The following RUNX1 variants were observed in gnomAD, a reference collection of about 807,000 sequenced individuals.
The protein encoded by RUNX1 is RUNX family transcription factor 1, also known as runt-related transcription factor 1.
Under a neutral mutation model 42.8 loss-of-function variants are expected in RUNX1, and 19 were observed. That is an observed-to-expected ratio of 0.44 (90% confidence interval 0.31 to 0.65). The LOEUF (loss-of-function observed/expected upper bound fraction) is 0.65, where lower values mean the gene tolerates loss of function less well. Ranked by LOEUF, RUNX1 falls within the 30% of genes least tolerant of loss-of-function variation. The pLI is 0.07. For synonymous variants in RUNX1, 271 were observed against 289.4 expected, an observed-to-expected ratio of 0.94 and a Z score of 0.64; for missense variants, 528 against 672.0, an observed-to-expected ratio of 0.79 and a Z score of 2.37.
chr21:34,856,387 C>T (rs1368928987), intron 6 of RUNX1: 1 of 518,872 alleles, frequency 1.9e-6, no homozygotes, highest in Non-Finnish European at 3.8e-6. Context: ...AATATGCCAG[C>T]CAATCATATA....
At chr21:35,000,994 T>C (rs2059037764) in intron 2 of RUNX1, among the ~76,000 whole-genome samples, 1 of 152,184 alleles carries the variant, frequency 6.6e-6, no homozygotes, top group South Asian at 2.1e-4. Context: ...CTTCCTCCCA[T>C]AGTCCTCTAT....
intron 2 of RUNX1, chr21:35,038,407 C>T (rs1375171073): frequency 7.7e-6 from 3 of 389,726 alleles, no homozygotes; most frequent in South Asian, 5.6e-5. Context: ...TGGACTGAAG[C>T]CTCCAGGGAA....
intron 2 of RUNX1, among the ~76,000 whole-genome samples, chr21:34,990,534 T>A (rs1264076971): frequency 1.3e-5 from 2 of 152,184 alleles, no homozygotes; most frequent in African/African-American, 4.8e-5. Context: ...TGAAAGCTTT[T>A]GAGAGGTTGA....
intron 3 of RUNX1, among the ~76,000 whole-genome samples, chr21:34,888,853 G>C (rs547506774): frequency 6.6e-6 from 1 of 151,646 alleles, no homozygotes; most frequent in African/African-American, 2.4e-5. Flanking sequence ...ATTGGCCCGC[G>C]CGCCCCCGCC....
In RUNX1 at chr21:34,984,918, C is replaced by A. The variant is rs140066509; in HGVS notation, c.58+63924G>T. ...GAATACAGGGGTGACAGGATCTTCC[C>A]AGAGGACAGGCTGCATGGTATGGGG... On this transcript the variant is annotated intron_variant, in intron 2 of 8. Transcript: ENST00000675419. 2.6e-5 allele frequency among the ~76,000 whole-genome samples: 4 copies of A among 152,254 alleles called. No homozygotes were observed. The East Asian group carries it at 7.7e-4, about 29-fold the overall frequency.
At chr21:34,795,907 C>T (rs1481475178) in intron 8 of RUNX1, among the ~76,000 whole-genome samples, 1 of 152,230 alleles carries the variant, frequency 6.6e-6, no homozygotes, top group East Asian at 1.9e-4. Context: ...ATGCAATACT[C>T]TGGACACAAA....
At chr21:34,905,959 A>G (rs2146502773) in intron 2 of RUNX1, among the ~76,000 whole-genome samples, 1 of 152,326 alleles carries the variant, frequency 6.6e-6, no homozygotes, top group Middle Eastern at 3.4e-3. Flanking sequence ...TACCTCACAT[A>G]ACTCCTCTAT....
At chr21:35,011,184 T>C (rs2059124119) in intron 2 of RUNX1, among the ~76,000 whole-genome samples, 1 of 152,178 alleles carries the variant, frequency 6.6e-6, no homozygotes. Flanking sequence ...GGATAAATGG[T>C]GCACCTGCAA....
intron 3 of RUNX1, 128 bp from the exon 4 acceptor site, chr21:34,887,224 C>G: frequency 2.2e-6 from 2 of 893,492 alleles, no homozygotes; most frequent in Non-Finnish European, 1.3e-6. Context: ...GTTCAGGGGC[C>G]TTTATTACTG....
At chr21:35,043,203 C>T (rs1405238438) in intron 2 of RUNX1, among the ~76,000 whole-genome samples, 1 of 152,144 alleles carries the variant, frequency 6.6e-6, no homozygotes, top group Non-Finnish European at 1.5e-5. Context: ...GAAATGCTCC[C>T]TTTTTACCAC....
intron 2 of RUNX1, among the ~76,000 whole-genome samples, chr21:34,935,282 T>C (rs553683361): frequency 6.6e-6 from 1 of 152,250 alleles, no homozygotes; most frequent in Admixed American, 6.5e-5. Flanking sequence ...ATAGCATTGC[T>C]GATTCCTAAC....
At chr21:35,032,249 A>G (rs886442608) in intron 2 of RUNX1, among the ~76,000 whole-genome samples, 5 of 152,244 alleles carry the variant, frequency 3.3e-5, no homozygotes, top group African/African-American at 1.2e-4. Context: ...TGGGCTGGAT[A>G]AGTGGGACAA....
intron 2 of RUNX1, among the ~76,000 whole-genome samples, chr21:34,925,039 A>G (rs1460514961): frequency 2.0e-5 from 3 of 151,640 alleles, no homozygotes; most frequent in Non-Finnish European, 4.4e-5. Flanking sequence ...TTAGGGCTTC[A>G]ACATATGACT....
At chr21:34,878,028 A>T (rs2057839395) in intron 5 of RUNX1, among the ~76,000 whole-genome samples, 2 of 152,194 alleles carry the variant, frequency 1.3e-5, no homozygotes, top group Non-Finnish European at 2.9e-5. Context: ...ATTTTCAAAA[A>T]CAGAAAATGA....
chr21:34,921,394 A>AT lies in RUNX1; in HGVS notation c.59-28432dup, dbSNP rs530048229. ...ACTCATCTAAGTGAAATTGTACAGT[A>AT]TTTTTTGTGTCTGACTTATTTCACT... On this transcript the variant is annotated intron_variant, in intron 2 of 8. Coordinates refer to ENST00000675419, the MANE Select transcript of RUNX1 (RefSeq NM_001754.5). Among the ~76,000 whole-genome samples the AT allele has an allele frequency of 9.5e-4, 145 of 152,188 alleles. 3 individuals are homozygous for AT. In the South Asian group the frequency reaches 0.019, roughly 20 times the overall value.
At chr21:34,902,864 C>T (rs930577703) in intron 2 of RUNX1, among the ~76,000 whole-genome samples, 2 of 152,106 alleles carry the variant, frequency 1.3e-5, no homozygotes, top group East Asian at 3.9e-4. Flanking sequence ...GAAATCGGCC[C>T]GGGTCTGGTG....
chr21:34,892,372 G>C (rs941001252), intron 3 of RUNX1, among the ~76,000 whole-genome samples: 4 of 152,140 alleles, frequency 2.6e-5, no homozygotes, highest in South Asian at 2.1e-4. Flanking sequence ...ACTATGAGAG[G>C]GGGGAGGAGA....
At chr21:34,847,927 T>C (rs1416353575) in intron 6 of RUNX1, among the ~76,000 whole-genome samples, 1 of 152,044 alleles carries the variant, frequency 6.6e-6, no homozygotes, top group African/African-American at 2.4e-5. Flanking sequence ...CTTTTTTTTT[T>C]CTTCTTTTTT....
intron 7 of RUNX1, among the ~76,000 whole-genome samples, chr21:34,800,747 T>C (rs571732842): frequency 5.9e-5 from 9 of 152,320 alleles, no homozygotes; most frequent in African/African-American, 2.2e-4. Flanking sequence ...AGTATTCTCC[T>C]GACAGCCTCC....
Sources: allele counts gnomAD v4.1 joint callset (sites outside exome capture counted in the v4.1 genomes callset), GRCh38; gene constraint gnomAD v4.1.1; transcripts MANE v1.5; gene names NCBI Gene and HGNC (gene_info 2026-07-23, HGNC 2026-07-21).